Variants in RBPMS observed in about 807,000 individuals in gnomAD.
RBPMS encodes the protein RNA binding protein, mRNA processing factor.
In RBPMS, 7 loss-of-function variants were observed where a neutral mutation model predicts 26.8. That is an observed-to-expected ratio of 0.26 (90% CI 0.15 to 0.49). The LOEUF (loss-of-function observed/expected upper bound fraction) is 0.49. Among genes scored for constraint, RBPMS ranks in the 20% least tolerant of loss-of-function variants. The probability of loss-of-function intolerance (pLI) is 0.98; values close to 1 mark genes in which losing one functional copy is unlikely to be tolerated. For missense variants in RBPMS, 186 were observed against 250.0 expected, an observed-to-expected ratio of 0.74 and a Z score of 1.73; for synonymous variants, 96 against 93.3, an observed-to-expected ratio of 1.03 and a Z score of -0.17.
rs146965610 is a variant in RBPMS at position 30,519,421 on chromosome 8, G to A, written c.397+14985G>A. Reference sequence around the variant, plus strand: ...TGTCTTTTAAGTGCCTTTTAATCTAGAGCACTTTCTCTCACCCTACGTGGG... The same window carrying A: ...TGTCTTTTAAGTGCCTTTTAATCTAAAGCACTTTCTCTCACCCTACGTGGG... On this transcript the variant is annotated intron_variant, in intron 5 of 8. Transcript: ENST00000397323. Among the ~76,000 whole-genome samples, 37 of 146,696 alleles carry A rather than the reference G, an allele frequency of 2.5e-4. 1 individual carries two copies. The highest frequency in any genetic ancestry group is 9.0e-4 in the African/African-American group (36 of 39,894).
intron 5 of RBPMS, among the ~76,000 whole-genome samples, chr8:30,542,198 CTTT>C (rs1208172328): frequency 1.3e-5 from 2 of 152,178 alleles, no homozygotes; most frequent in African/African-American, 4.8e-5. Flanking sequence ...ACCAAATCCT[CTTT>C]TCTGCTGGGC....
intron 5 of RBPMS, among the ~76,000 whole-genome samples, chr8:30,541,570 C>T (rs1280219936): frequency 6.6e-6 from 1 of 152,118 alleles, no homozygotes; most frequent in African/African-American, 2.4e-5. Flanking sequence ...TTGATCTGCC[C>T]TCTTTCTGCT....
intron 1 of RBPMS, among the ~76,000 whole-genome samples, chr8:30,440,618 A>G (rs1812962761): frequency 6.6e-6 from 1 of 152,148 alleles, no homozygotes; most frequent in African/African-American, 2.4e-5. Flanking sequence ...TAATGCTGCA[A>G]TGAGCACAGG....
At chr8:30,463,134 G>T (rs1816124909) in intron 1 of RBPMS, among the ~76,000 whole-genome samples, 1 of 152,086 alleles carries the variant, frequency 6.6e-6, no homozygotes, top group Non-Finnish European at 1.5e-5. Flanking sequence ...TGTGAACATT[G>T]TAAGCCACCT....
chr8:30,517,676 T>C (rs1275507537), intron 5 of RBPMS, among the ~76,000 whole-genome samples: 1 of 152,172 alleles, frequency 6.6e-6, no homozygotes, highest in African/African-American at 2.4e-5. Flanking sequence ...TGTTTACACA[T>C]AGTAGAGGAA....
chr8:30,555,752 G>T (rs376900702), intron 6 of RBPMS: 3 of 397,492 alleles, frequency 7.5e-6, no homozygotes, highest in Non-Finnish European at 1.0e-5. Context: ...GGAACTGTAG[G>T]TTTCCCCGTT....
intron 1 of RBPMS, among the ~76,000 whole-genome samples, chr8:30,391,807 C>T: frequency 6.6e-6 from 1 of 152,112 alleles, no homozygotes; most frequent in East Asian, 1.9e-4. Context: ...AAGAAAGCTG[C>T]TTGGCTTGTC....
chr8:30,495,460 G>A (rs191604493), intron 4 of RBPMS, among the ~76,000 whole-genome samples: 1 of 152,172 alleles, frequency 6.6e-6, no homozygotes, highest in East Asian at 1.9e-4. Context: ...AGGAAGCCTT[G>A]GGAAAGGGGT....
chr8:30,462,024 GTTTA>G (rs1487113197), intron 1 of RBPMS, among the ~76,000 whole-genome samples: 3 of 152,052 alleles, frequency 2.0e-5, no homozygotes, highest in Admixed American at 1.3e-4. Flanking sequence ...TGTATTAGTA[GTTTA>G]TTTATTCTCA....
chr8:30,432,481 G>T (rs769855575), intron 1 of RBPMS, among the ~76,000 whole-genome samples: 1 of 152,174 alleles, frequency 6.6e-6, no homozygotes, highest in African/African-American at 2.4e-5. Flanking sequence ...GGTGCCAAAG[G>T]CTACTTAAAT....
At chr8:30,519,645 G>A (rs373214225) in intron 5 of RBPMS, among the ~76,000 whole-genome samples, 4 of 151,640 alleles carry the variant, frequency 2.6e-5, no homozygotes, top group Admixed American at 2.0e-4. Flanking sequence ...CACTGCGCCC[G>A]GCTAATATTT....
intron 1 of RBPMS, among the ~76,000 whole-genome samples, chr8:30,453,999 A>G (rs1051417665): frequency 3.3e-5 from 5 of 152,204 alleles, no homozygotes; most frequent in Admixed American, 2.0e-4. Context: ...GTCTGTTAAC[A>G]GACATCCTGG....
chr8:30,434,942 C>T (rs1160879850), intron 1 of RBPMS, among the ~76,000 whole-genome samples: 1 of 152,026 alleles, frequency 6.6e-6, no homozygotes, highest in Non-Finnish European at 1.5e-5. Context: ...AGCAGAAAGA[C>T]ATAAAATGGA....
intron 1 of RBPMS, among the ~76,000 whole-genome samples, chr8:30,458,811 A>G (rs934283791): frequency 1.3e-5 from 2 of 152,170 alleles, no homozygotes; most frequent in African/African-American, 4.8e-5. Context: ...TCCTGGGCTC[A>G]GTTGATCCTC....
intron 6 of RBPMS, among the ~76,000 whole-genome samples, chr8:30,549,804 T>TCTCTCTCTCTCTCTCTCC (rs1383466717): frequency 1.9e-5 from 2 of 102,794 alleles, no homozygotes; most frequent in African/African-American, 9.3e-5. Context: ...CTCCCCTCTC[T>TCTCTCTCTCTCTCTCTCC]CCTCTCTCTC....
intron 5 of RBPMS, among the ~76,000 whole-genome samples, chr8:30,527,371 G>T (rs183547132): frequency 2.5e-4 from 38 of 152,128 alleles, no homozygotes; most frequent in Admixed American, 5.9e-4. Context: ...CCTCACTCTG[G>T]GTGGAGTTTG....
At position 30,559,132 on chromosome 8, in the gene RBPMS, A is replaced by T. The variant is rs180815905; in HGVS notation, c.*7+176A>T. Among the ~76,000 whole-genome samples the T allele has an allele frequency of 3.4e-3, 522 of 152,310 alleles. 4 individuals carry two copies. The highest frequency in any genetic ancestry group is 0.012 in the African/African-American group (491 of 41,568). The stretch of plus-strand genomic sequence containing the variant: ...TAGCAGTGCATCTTTTCCGAGAGGA[A>T]ATTTTCACCTAGGTACGGGTGCTAG... On this transcript the variant is annotated intron_variant, in intron 7 of 8. Coordinates refer to ENST00000397323, the MANE Select transcript of RBPMS (RefSeq NM_001008710.3).
chr8:30,500,879 G>T, intron 4 of RBPMS, among the ~76,000 whole-genome samples: 1 of 152,018 alleles, frequency 6.6e-6, no homozygotes, highest in East Asian at 1.9e-4. Flanking sequence ...TCTCTTCCCA[G>T]GGCTGCTCTA....
chr8:30,529,248 A>G (rs1823936235), intron 5 of RBPMS, among the ~76,000 whole-genome samples: 1 of 152,028 alleles, frequency 6.6e-6, no homozygotes, highest in Non-Finnish European at 1.5e-5. Context: ...TAAAATATAT[A>G]TGACATAAAC....
Sources: allele counts gnomAD v4.1 joint callset (sites outside exome capture counted in the v4.1 genomes callset), GRCh38; gene constraint gnomAD v4.1.1; transcripts MANE v1.5; gene names NCBI Gene and HGNC (gene_info 2026-07-23, HGNC 2026-07-21).